The following ARFGEF2 variants were observed in gnomAD, a reference collection of about 807,000 sequenced individuals.
ARFGEF2 encodes the protein brefeldin A-inhibited guanine nucleotide-exchange protein 2.
ARFGEF2 carries 74 observed loss-of-function variants against 219.9 expected under a neutral mutation model. That is an observed-to-expected ratio of 0.34 (90% CI 0.28 to 0.41). ARFGEF2 has a LOEUF of 0.41. ARFGEF2 is among the 10% of genes least tolerant of loss of function. The probability of loss-of-function intolerance (pLI) is 1.00; values close to 1 mark genes in which losing one functional copy is unlikely to be tolerated. For missense variants in ARFGEF2, 1,743 were observed against 2,218.3 expected (o/e 0.79, Z 4.30); for synonymous variants, 733 against 799.2 (o/e 0.92, Z 1.40).
chr20:48,942,115 T>A, intron 3 of ARFGEF2, 128 bp downstream of exon 3: 3 of 1,268,284 alleles, frequency 2.4e-6, no homozygotes, highest in Non-Finnish European at 2.2e-6. Context: ...AGGAGCAGTT[T>A]AACGTATTCT....
chr20:48,953,146 C>T (rs1308402492), intron 5 of ARFGEF2, among the ~76,000 whole-genome samples: 1 of 146,222 alleles, frequency 6.8e-6, no homozygotes. Context: ...TGGAATTTTT[C>T]TTTCTTTCTT....
intron 10 of ARFGEF2, among the ~76,000 whole-genome samples, chr20:48,971,833 G>A (rs1262860020): frequency 1.3e-5 from 2 of 151,788 alleles, no homozygotes; most frequent in African/African-American, 4.8e-5. Context: ...CCCGGGAGGC[G>A]GAGCTTGCAG....
intron 2 of ARFGEF2, 49 bp downstream of exon 2, chr20:48,941,278 G>C (rs768578824): frequency 6.3e-7 from 1 of 1,583,018 alleles, no homozygotes; most frequent in East Asian, 2.2e-5. Flanking sequence ...GAAGGGAGTA[G>C]GTAGCAACTG....
intron 30 of ARFGEF2, among the ~76,000 whole-genome samples, chr20:49,014,850 A>G (rs887037579): frequency 6.6e-6 from 1 of 152,222 alleles, no homozygotes; most frequent in African/African-American, 2.4e-5. Flanking sequence ...TCATTATAAA[A>G]CAAGTAGAAC....
intron 31 of ARFGEF2, 97 bp from the exon 32 acceptor site, chr20:49,017,152 A>T: frequency 8.1e-7 from 1 of 1,241,950 alleles, no homozygotes; most frequent in Non-Finnish European, 1.2e-6. Context: ...GAAACTCACC[A>T]GTTGCTGTCT....
intron 14 of ARFGEF2, among the ~76,000 whole-genome samples, chr20:48,981,183 C>CA (rs2091293449): frequency 6.6e-6 from 1 of 152,146 alleles, no homozygotes; most frequent in Non-Finnish European, 1.5e-5. Context: ...CTGGTGGTGA[C>CA]AAAATCTCTC....
At position 48,923,636 on chromosome 20, in the gene ARFGEF2, A is replaced by G. The variant is rs532727207; in HGVS notation, c.121+1626A>G. Among the ~76,000 whole-genome samples the G allele has an allele frequency of 3.3e-4, 51 of 152,384 alleles. No homozygotes were observed. The South Asian group carries it at 8.5e-3, about 25-fold the overall frequency. ...AGCACTGCAAAGCAGTTTGTTAGGC[A>G]AGAGCCTGGTATTTATAACTCCACG... is the stretch of plus-strand genomic sequence containing the variant. On this transcript the variant is annotated intron_variant, in intron 1 of 38. Coordinates refer to ENST00000371917, the MANE Select transcript of ARFGEF2 (RefSeq NM_006420.3).
At chr20:48,996,015 A>G (rs2091383785) in intron 23 of ARFGEF2, 133 bp downstream of exon 23, 4 of 796,990 alleles carry the variant, frequency 5.0e-6, no homozygotes, top group Non-Finnish European at 8.8e-6. Context: ...CTTAAGTGTC[A>G]CATTTATTTG....
Position 48,951,317 on chromosome 20 carries a change from CT to C in ARFGEF2, c.277-3del, listed in dbSNP as rs761683994. On this transcript the variant is annotated splice_polypyrimidine_tract_variant and splice_region_variant and intron_variant, in intron 3 of 38. Coordinates refer to ENST00000371917, the MANE Select transcript of ARFGEF2 (RefSeq NM_006420.3). ...AATGTATAATCTCTGTTCTTTCTCT[CT>C]TTAGAAACTCATCGCATACGGGCAC... The C allele has an allele frequency of 6.2e-7, 1 of 1,614,066 alleles. No homozygotes were observed. Among genetic ancestry groups the C allele is most frequent in the Non-Finnish European group, 8.5e-7 (1 of 1,179,968 alleles).
At chr20:48,937,792 G>A (rs2090967976) in intron 1 of ARFGEF2, among the ~76,000 whole-genome samples, 1 of 152,138 alleles carries the variant, frequency 6.6e-6, no homozygotes, top group Admixed American at 6.5e-5. Context: ...TCCTGTCAAC[G>A]CTTGCTCATT....
At chr20:48,968,871 C>T (rs1244216774) in intron 8 of ARFGEF2, among the ~76,000 whole-genome samples, 1 of 152,174 alleles carries the variant, frequency 6.6e-6, no homozygotes, top group Non-Finnish European at 1.5e-5. Flanking sequence ...TCCCCCACAT[C>T]CCTCATCTCT....
chr20:48,922,051 C>G, intron 1 of ARFGEF2, 41 bp downstream of exon 1: 1 of 1,557,086 alleles, frequency 6.4e-7, no homozygotes, highest in Non-Finnish European at 8.7e-7. Flanking sequence ...CTGGCCTCAG[C>G]ACGTCGGCCG....
chr20:48,951,098 C>T (rs1200139454), intron 3 of ARFGEF2, among the ~76,000 whole-genome samples: 1 of 151,830 alleles, frequency 6.6e-6, no homozygotes, highest in Non-Finnish European at 1.5e-5. Context: ...GTGCTCTATA[C>T]CTTGCATTTT....
intron 3 of ARFGEF2, among the ~76,000 whole-genome samples, chr20:48,942,482 T>G (rs1338439221): frequency 3.6e-5 from 5 of 138,456 alleles, no homozygotes; most frequent in South Asian, 2.5e-4. Flanking sequence ...GGTTTTTTTT[T>G]TTTTTTTTTT....
intron 14 of ARFGEF2, among the ~76,000 whole-genome samples, chr20:48,983,251 C>T (rs181169533): frequency 9.2e-5 from 14 of 152,266 alleles, no homozygotes; most frequent in Admixed American, 3.9e-4. Context: ...CCCATATAAC[C>T]ACAGCACCAT....
intron 1 of ARFGEF2, among the ~76,000 whole-genome samples, chr20:48,922,503 A>G (rs1389027646): frequency 6.6e-6 from 1 of 152,226 alleles, no homozygotes; most frequent in African/African-American, 2.4e-5. Flanking sequence ...TCTTTCCCTC[A>G]AGGAAGGATT....
At chr20:48,961,326 G>A (rs1017260799) in intron 6 of ARFGEF2, among the ~76,000 whole-genome samples, 1 of 149,494 alleles carries the variant, frequency 6.7e-6, no homozygotes, top group Non-Finnish European at 1.5e-5. Context: ...AATTATTTTT[G>A]TTAAAAACTA....
intron 25 of ARFGEF2, 29 bp downstream of exon 25, chr20:48,998,534 T>A (rs771275689): frequency 1.3e-6 from 2 of 1,572,378 alleles, no homozygotes; most frequent in Non-Finnish European, 1.7e-6. Context: ...AAACCATTCC[T>A]GTTAAAAAAA....
chr20:49,027,069 TC>T (rs1163759966), intron 36 of ARFGEF2, among the ~76,000 whole-genome samples: 2 of 151,984 alleles, frequency 1.3e-5, no homozygotes, highest in East Asian at 3.9e-4. Flanking sequence ...AAGAATGTGT[TC>T]TTTTTTTTTT....
Sources: allele counts gnomAD v4.1 joint callset (sites outside exome capture counted in the v4.1 genomes callset), GRCh38; gene constraint gnomAD v4.1.1; transcripts MANE v1.5; gene names NCBI Gene and HGNC (gene_info 2026-07-23, HGNC 2026-07-21).